The following WWC2 variants were observed in gnomAD, a reference collection of about 807,000 sequenced individuals.
WWC2 encodes protein WWC2.
In WWC2, 101 loss-of-function variants were observed where a neutral mutation model predicts 138.5. That is an observed-to-expected ratio of 0.73 (90% CI 0.62 to 0.86). The LOEUF (loss-of-function observed/expected upper bound fraction) is 0.86. WWC2 is among the 40% of genes least tolerant of loss of function. WWC2 has a pLI of 0.00. For missense variants in WWC2, 1,420 were observed against 1,419.4 expected (o/e 1.00, Z -0.01); for synonymous variants, 558 against 538.4 (o/e 1.04, Z -0.50).
intron 6 of WWC2, among the ~76,000 whole-genome samples, chr4:183,247,728 C>CTATA (rs1458493850): frequency 2.0e-4 from 26 of 128,336 alleles, no homozygotes; most frequent in African/African-American, 8.3e-4. Flanking sequence ...ATACTATATA[C>CTATA]TACATATATA....
intron 1 of WWC2, among the ~76,000 whole-genome samples, chr4:183,110,357 A>G (rs1242976165): frequency 3.3e-5 from 5 of 152,186 alleles, no homozygotes; most frequent in Non-Finnish European, 7.3e-5. Flanking sequence ...ATGATCAAGC[A>G]AAAAATTATT....
chr4:183,238,573 G>A (rs971248257), intron 4 of WWC2, among the ~76,000 whole-genome samples: 31 of 152,072 alleles, frequency 2.0e-4, no homozygotes, highest in Admixed American at 2.0e-3. Flanking sequence ...AGCCACAGTG[G>A]CATTCTTTAA....
chr4:183,228,859 A>G (rs1736154400), intron 4 of WWC2, among the ~76,000 whole-genome samples: 2 of 152,136 alleles, frequency 1.3e-5, no homozygotes, highest in Admixed American at 6.5e-5. Context: ...GGATGAATGC[A>G]TTGTGTATGG....
chr4:183,190,969 A>C (rs1319623786), intron 1 of WWC2, among the ~76,000 whole-genome samples: 2 of 152,162 alleles, frequency 1.3e-5, no homozygotes, highest in Non-Finnish European at 1.5e-5. Flanking sequence ...TTGGCACTTA[A>C]ACTTACCGTT....
chr4:183,115,037 T>G (rs1467557686), intron 1 of WWC2, among the ~76,000 whole-genome samples: 1 of 152,138 alleles, frequency 6.6e-6, no homozygotes, highest in Non-Finnish European at 1.5e-5. Flanking sequence ...CCTTCCACTC[T>G]CAAATAGGCT....
In WWC2 at chr4:183,269,106, G is replaced by A; in HGVS notation, c.2343G>A (p.Gln781=). The A allele has an allele frequency of 1.2e-6, 2 of 1,613,898 alleles. No homozygotes were observed. Among genetic ancestry groups the A allele is most frequent in the East Asian group, 2.2e-5 (1 of 44,870 alleles). ...CCATTTCCCAAACAGCCTTACAACA[G>A]AAGACACTGAGGGTAGACCTTTGCT... ...RVAISQTALQ[Q]KTLRVDLCSV... is the part of the protein sequence containing the mutation. Residue 781 remains glutamine, a synonymous_variant, in exon 15 of 23, where the codon CAG becomes CAA. Coordinates refer to ENST00000403733, the MANE Select transcript of WWC2 (RefSeq NM_024949.6).
At chr4:183,244,584 T>TAG (rs950712508) in intron 5 of WWC2, among the ~76,000 whole-genome samples, 3,662 of 148,366 alleles carry the variant, frequency 0.025, 157 homozygotes, top group African/African-American at 0.086. Flanking sequence ...TATATATATA[T>TAG]AGAGAGAGAG....
chr4:183,108,053 T>G (rs1381966365), intron 1 of WWC2, among the ~76,000 whole-genome samples: 3 of 152,200 alleles, frequency 2.0e-5, no homozygotes, highest in Non-Finnish European at 4.4e-5. Context: ...ATGTGATGTA[T>G]TTTATGAGGC....
intron 21 of WWC2, among the ~76,000 whole-genome samples, chr4:183,295,054 CAAG>C (rs1738590657): frequency 6.6e-6 from 1 of 150,680 alleles, no homozygotes; most frequent in South Asian, 2.1e-4. Flanking sequence ...ATGAGCCAGT[CAAG>C]AAGTGTGTTT....
At chr4:183,116,287 T>C (rs925837381) in intron 1 of WWC2, among the ~76,000 whole-genome samples, 1 of 152,222 alleles carries the variant, frequency 6.6e-6, no homozygotes, top group Admixed American at 6.5e-5. Flanking sequence ...CCATAAGTTA[T>C]GTGAAGAGCC....
At chr4:183,187,554 A>AAATAATAATAT (rs1553966192) in intron 1 of WWC2, among the ~76,000 whole-genome samples, 8 of 127,634 alleles carry the variant, frequency 6.3e-5, no homozygotes, top group Non-Finnish European at 1.3e-4. Context: ...CTCCGTCTCA[A>AAATAATAATAT]AATAATAATA....
At chr4:183,170,741 A>G (rs896529546) in intron 1 of WWC2, among the ~76,000 whole-genome samples, 1 of 152,178 alleles carries the variant, frequency 6.6e-6, no homozygotes, top group Non-Finnish European at 1.5e-5. Context: ...TCTGCCAGCC[A>G]GACTGGAGTG....
At chr4:183,139,164 C>A (rs1267498683) in intron 1 of WWC2, among the ~76,000 whole-genome samples, 1 of 152,180 alleles carries the variant, frequency 6.6e-6, no homozygotes, top group African/African-American at 2.4e-5. Context: ...CTTTTGCCTC[C>A]TTCCTTTAAT....
rs954806264 is a variant in WWC2 at position 183,269,294 on chromosome 4, G to C, written c.2400+131G>C. ...TGCCCAACATCTTGGGATACATCTA[G>C]TGTTTGTTCATTTTTTTCTGAAGTA... On this transcript the variant is annotated intron_variant, in intron 15 of 22. Transcript: ENST00000403733. 3.4e-6 allele frequency: 3 copies of C among 887,564 alleles called. No homozygotes were observed. In the South Asian group the frequency reaches 4.8e-5, roughly 14 times the overall value. 55.0% of individuals were successfully genotyped at this position (887,564 alleles called of 1,614,324 possible).
chr4:183,238,406 G>A (rs1435591780), intron 4 of WWC2, among the ~76,000 whole-genome samples: 1 of 152,184 alleles, frequency 6.6e-6, no homozygotes, highest in Non-Finnish European at 1.5e-5. Flanking sequence ...TCCCCACAGC[G>A]TTGTCACAGT....
chr4:183,300,840 C>A (rs1738812285), intron 21 of WWC2, among the ~76,000 whole-genome samples: 1 of 151,928 alleles, frequency 6.6e-6, no homozygotes, highest in African/African-American at 2.4e-5. Flanking sequence ...GCAGCCATTA[C>A]ACTACTTAGA....
At chr4:183,296,295 C>T (rs922860594) in intron 21 of WWC2, among the ~76,000 whole-genome samples, 6 of 152,190 alleles carry the variant, frequency 3.9e-5, no homozygotes, top group African/African-American at 1.2e-4. Flanking sequence ...ACCCACATGG[C>T]AGTACTCTCT....
intron 16 of WWC2, among the ~76,000 whole-genome samples, chr4:183,277,802 T>C (rs1580140029): frequency 7.4e-5 from 11 of 148,602 alleles, no homozygotes; most frequent in South Asian, 2.2e-4. Flanking sequence ...TCTGTTCATG[T>C]CCTTCGCCCA....
intron 16 of WWC2, among the ~76,000 whole-genome samples, chr4:183,273,095 T>G (rs771750526): frequency 4.6e-5 from 7 of 152,158 alleles, no homozygotes; most frequent in Non-Finnish European, 8.8e-5. Flanking sequence ...AGTTTCTCCC[T>G]TGCCATGTGT....
Sources: allele counts gnomAD v4.1 joint callset (sites outside exome capture counted in the v4.1 genomes callset), GRCh38; gene constraint gnomAD v4.1.1; transcripts MANE v1.5; gene names NCBI Gene and HGNC (gene_info 2026-07-23, HGNC 2026-07-21).